The following SLCO5A1 variants were observed in gnomAD, a reference collection of about 807,000 sequenced individuals.
SLCO5A1 encodes the protein solute carrier organic anion transporter family member 5A1.
In SLCO5A1, 39 loss-of-function variants were observed where a neutral mutation model predicts 65.1. The observed-to-expected ratio is 0.60, with a 90% CI of 0.46 to 0.78. The LOEUF (loss-of-function observed/expected upper bound fraction) is 0.78. SLCO5A1 is among the 30% of genes least tolerant of loss of function. The probability of loss-of-function intolerance (pLI) is 0.00; values close to 1 mark genes in which losing one functional copy is unlikely to be tolerated. For missense variants in SLCO5A1, 1,029 were observed against 1,069.4 expected (o/e 0.96, Z 0.53); for synonymous variants, 438 against 415.7 (o/e 1.05, Z -0.65).
At chr8:69,827,144 T>C (rs1369273596) in intron 2 of SLCO5A1, among the ~76,000 whole-genome samples, 1 of 104,398 alleles carries the variant, frequency 9.6e-6, no homozygotes, top group African/African-American at 3.8e-5. Context: ...CTGGGGACTG[T>C]TGTGGGGTGG....
chr8:69,732,905 T>G (rs568284737), intron 5 of SLCO5A1, among the ~76,000 whole-genome samples: 1 of 151,778 alleles, frequency 6.6e-6, no homozygotes. Context: ...AAAAATCACA[T>G]AGAAATATTT....
At chr8:69,766,143 C>T (rs1818049955) in intron 2 of SLCO5A1, among the ~76,000 whole-genome samples, 1 of 152,174 alleles carries the variant, frequency 6.6e-6, no homozygotes, top group South Asian at 2.1e-4. Flanking sequence ...ATAGCTAATA[C>T]TCTGGTCCAG....
intron 5 of SLCO5A1, among the ~76,000 whole-genome samples, chr8:69,729,446 CAAAAAA>C (rs56392223): frequency 2.5e-5 from 2 of 80,486 alleles, no homozygotes; most frequent in Non-Finnish European, 2.2e-5. Flanking sequence ...TCCGTCCCAA[CAAAAAA>C]AAAAAAAAAA....
intron 6 of SLCO5A1, among the ~76,000 whole-genome samples, chr8:69,693,810 A>G (rs1233233398): frequency 6.6e-6 from 1 of 152,256 alleles, no homozygotes; most frequent in Non-Finnish European, 1.5e-5. Context: ...ATTGAGGCAC[A>G]GAAAGGTTAA....
chr8:69,829,952 T>C (rs553416703), intron 2 of SLCO5A1, among the ~76,000 whole-genome samples: 1 of 152,128 alleles, frequency 6.6e-6, no homozygotes, highest in Non-Finnish European at 1.5e-5. Flanking sequence ...TAAACAATCA[T>C]TGGGTCTGTG....
intron 2 of SLCO5A1, among the ~76,000 whole-genome samples, chr8:69,804,389 C>G (rs1241752992): frequency 6.6e-6 from 1 of 152,182 alleles, no homozygotes; most frequent in African/African-American, 2.4e-5. Flanking sequence ...TCTCGGCTCA[C>G]TGCAACCTCC....
chr8:69,828,539 T>C (rs538036795), intron 2 of SLCO5A1, among the ~76,000 whole-genome samples: 104 of 151,624 alleles, frequency 6.9e-4, no homozygotes, highest in Non-Finnish European at 1.2e-3. Flanking sequence ...AAGGCGGAGC[T>C]TCCAGTGAGC....
At chr8:69,674,693 C>T (rs908566840) in intron 9 of SLCO5A1, among the ~76,000 whole-genome samples, 1 of 152,022 alleles carries the variant, frequency 6.6e-6, no homozygotes, top group African/African-American at 2.4e-5. Context: ...CCCAACTCCA[C>T]GGCATCAGAG....
intron 4 of SLCO5A1, among the ~76,000 whole-genome samples, chr8:69,746,261 G>A (rs1171498908): frequency 6.6e-6 from 1 of 152,148 alleles, no homozygotes; most frequent in Non-Finnish European, 1.5e-5. Context: ...CCTTAGGATA[G>A]ATATTGCCAG....
At position 69,832,299 on chromosome 8, in the gene SLCO5A1, C is replaced by T; in HGVS notation, c.375G>A (p.Thr125=). 3.1e-6 allele frequency: 5 copies of T among 1,614,192 alleles called. No individual in the cohort carries two copies. The highest frequency in any genetic ancestry group is 4.2e-6 in the Non-Finnish European group (5 of 1,180,038). ...TGCACACCAGGAAGCAACGGGAATC[C>T]GTGAGGACCACGTAGAGGCACCTTC... The part of the protein sequence containing the change: ...QERRCLYVVL[T]DSRCFLVCMC... The change falls in exon 2 of 10, where the codon ACG becomes ACA. Residue 125 remains threonine, a synonymous_variant. Transcript: ENST00000260126. The surrounding 1 kb of genome is among the most constrained non-coding windows in gnomAD (Gnocchi z 4.5).
At position 69,738,604 on chromosome 8, in the gene SLCO5A1, T is replaced by C. The variant is rs141166093; in HGVS notation, c.1259-400A>G. Among the ~76,000 whole-genome samples the C allele has an allele frequency of 8.9e-4, 135 of 152,352 alleles. 3 individuals are homozygous for C. The highest frequency in any genetic ancestry group is 3.0e-3 in the African/African-American group (125 of 41,584). Reference sequence around the variant, plus strand: ...AAAGTGCCTGCAATGCAGCCTTAAATTACAATTTCCACTTCTCCCAAGTAA... The same window carrying C: ...AAAGTGCCTGCAATGCAGCCTTAAACTACAATTTCCACTTCTCCCAAGTAA... On this transcript the variant is annotated intron_variant, in intron 4 of 9. Coordinates refer to ENST00000260126, the MANE Select transcript of SLCO5A1 (RefSeq NM_030958.3).
chr8:69,755,990 T>C (rs981781901), intron 3 of SLCO5A1, among the ~76,000 whole-genome samples: 4 of 152,240 alleles, frequency 2.6e-5, no homozygotes, highest in African/African-American at 9.6e-5. Flanking sequence ...ATAAATTCAA[T>C]AGAAAAATAA....
chr8:69,794,350 T>C (rs12550173), intron 2 of SLCO5A1: 148,281 of 426,468 alleles, frequency 0.35, 27,952 homozygotes, highest in Admixed American at 0.47. Context: ...AGACAGTTCA[T>C]CATAACTGCT....
intron 5 of SLCO5A1, among the ~76,000 whole-genome samples, chr8:69,709,365 A>T (rs1815121215): frequency 6.6e-6 from 1 of 152,246 alleles, no homozygotes; most frequent in South Asian, 2.1e-4. Flanking sequence ...ATAACATAGA[A>T]TTAATAGCAC....
chr8:69,732,828 G>T (rs543756148), intron 5 of SLCO5A1, among the ~76,000 whole-genome samples: 3 of 152,088 alleles, frequency 2.0e-5, no homozygotes, highest in South Asian at 2.1e-4. Flanking sequence ...GGCAGAGGTT[G>T]CAGTGAGCCG....
intron 5 of SLCO5A1, among the ~76,000 whole-genome samples, chr8:69,723,615 T>A (rs975398648): frequency 1.3e-5 from 2 of 151,814 alleles, no homozygotes; most frequent in Non-Finnish European, 2.9e-5. Context: ...AGAAAAAAAA[T>A]TTGAGGTGAG....
chr8:69,790,175 G>C (rs1819206493), intron 2 of SLCO5A1, among the ~76,000 whole-genome samples: 1 of 140,972 alleles, frequency 7.1e-6, no homozygotes, highest in African/African-American at 2.7e-5. Flanking sequence ...CTGGGCAACA[G>C]AGCGAGACTC....
At chr8:69,762,105 G>A (rs1586769351) in intron 2 of SLCO5A1, among the ~76,000 whole-genome samples, 1 of 150,938 alleles carries the variant, frequency 6.6e-6, no homozygotes, top group Admixed American at 6.6e-5. Flanking sequence ...GCTTTTTGGT[G>A]GCTTTTGTTT....
chr8:69,833,602 T>C (rs771842671), intron 1 of SLCO5A1: 3 of 152,230 alleles, frequency 2.0e-5, no homozygotes, highest in Non-Finnish European at 2.9e-5. Context: ...CACAATGTAT[T>C]CCCTGTCCCA....
Sources: allele counts gnomAD v4.1 joint callset (sites outside exome capture counted in the v4.1 genomes callset), GRCh38; gene constraint gnomAD v4.1.1; non-coding constraint Gnocchi (gnomAD v3.1); transcripts MANE v1.5; gene names NCBI Gene and HGNC (gene_info 2026-07-23, HGNC 2026-07-21).